SGCZ: variants seen among roughly 807,000 people sequenced by gnomAD.
The protein encoded by SGCZ is zeta-sarcoglycan.
Under a neutral mutation model 41.3 loss-of-function variants are expected in SGCZ, and 40 were observed. The observed-to-expected ratio is 0.97, with a 90% CI of 0.75 to 1.26. The LOEUF is 1.26. Ranked by LOEUF, SGCZ falls within the 50% of genes most tolerant of loss-of-function variation. The probability of loss-of-function intolerance (pLI) is 0.00; values close to 1 mark genes in which losing one functional copy is unlikely to be tolerated. For missense variants in SGCZ, 552 were observed against 369.8 expected (o/e 1.49, Z -4.04); for synonymous variants, 206 against 137.5 (o/e 1.50, Z -3.49).
chr8:14,129,345 CAAAAAAAA>C (rs534660638), intron 5 of SGCZ, among the ~76,000 whole-genome samples: 13 of 44,114 alleles, frequency 2.9e-4, no homozygotes, highest in Non-Finnish European at 9.8e-5. Flanking sequence ...GACTCCGTCT[CAAAAAAAA>C]AAAAAAAAAA....
At chr8:15,047,192 A>T (rs1804338547) in intron 1 of SGCZ, among the ~76,000 whole-genome samples, 1 of 152,072 alleles carries the variant, frequency 6.6e-6, no homozygotes, top group Non-Finnish European at 1.5e-5. Context: ...ATATTAAGTG[A>T]AATACTATGT....
chr8:14,612,352 C>T (rs1805957232), intron 1 of SGCZ, among the ~76,000 whole-genome samples: 1 of 152,138 alleles, frequency 6.6e-6, no homozygotes, highest in Admixed American at 6.5e-5. Flanking sequence ...CTCTCATTCT[C>T]CGGCTCCCTT....
chr8:14,626,686 A>G (rs1312927900), intron 1 of SGCZ, among the ~76,000 whole-genome samples: 2 of 152,118 alleles, frequency 1.3e-5, no homozygotes, highest in Non-Finnish European at 2.9e-5. Context: ...ATTGGAGCTT[A>G]TGCTACCACA....
intron 2 of SGCZ, among the ~76,000 whole-genome samples, chr8:14,332,857 A>C (rs1802385574): frequency 6.6e-6 from 1 of 150,974 alleles, no homozygotes; most frequent in Admixed American, 6.6e-5. Flanking sequence ...GTATATATAT[A>C]ATGTTCTCCT....
chr8:14,227,563 T>C (rs764464359), intron 4 of SGCZ, among the ~76,000 whole-genome samples: 1 of 152,080 alleles, frequency 6.6e-6, no homozygotes, highest in Non-Finnish European at 1.5e-5. Context: ...AGAAATAATA[T>C]TGGAAACACA....
chr8:14,103,507 GT>G (rs777669660), intron 6 of SGCZ, among the ~76,000 whole-genome samples: 3 of 152,194 alleles, frequency 2.0e-5, no homozygotes, highest in Non-Finnish European at 4.4e-5. Context: ...TGAATTCAGA[GT>G]TGTTTTGCAG....
chr8:14,589,796 T>C lies in SGCZ; in HGVS notation c.40-34870A>G, dbSNP rs143926011. On this transcript the variant is annotated intron_variant, in intron 1 of 7. Transcript: ENST00000382080. ...AGATGTATATGGATAAATCTTGAAA[T>C]ATGTTATCCATCACTTTCGTTTTAT... Among the ~76,000 whole-genome samples, 229 of 152,224 alleles carry C rather than the reference T, an allele frequency of 1.5e-3. 1 individual carries two copies. The highest frequency in any genetic ancestry group is 5.3e-3 in the African/African-American group (221 of 41,540).
chr8:14,530,858 A>G (rs534746268), intron 2 of SGCZ, among the ~76,000 whole-genome samples: 1 of 152,218 alleles, frequency 6.6e-6, no homozygotes, highest in Non-Finnish European at 1.5e-5. Flanking sequence ...GTAGTGATAA[A>G]TTATCAGGAC....
At chr8:15,157,220 A>G (rs1799356868) in intron 1 of SGCZ, among the ~76,000 whole-genome samples, 1 of 152,052 alleles carries the variant, frequency 6.6e-6, no homozygotes, top group African/African-American at 2.4e-5. Flanking sequence ...CCTACTCACA[A>G]TATGATATTT....
At chr8:15,048,733 C>T (rs1804406185) in intron 1 of SGCZ, among the ~76,000 whole-genome samples, 1 of 152,126 alleles carries the variant, frequency 6.6e-6, no homozygotes, top group African/African-American at 2.4e-5. Context: ...TTATAATCTA[C>T]TTCCAAAATG....
chr8:14,331,905 G>A (rs946849378), intron 2 of SGCZ, among the ~76,000 whole-genome samples: 4 of 151,402 alleles, frequency 2.6e-5, no homozygotes, highest in South Asian at 4.2e-4. Context: ...GATAATACAG[G>A]AAATATGTAT....
intron 4 of SGCZ, among the ~76,000 whole-genome samples, chr8:14,196,815 A>T (rs563444992): frequency 6.6e-6 from 1 of 152,320 alleles, no homozygotes; most frequent in East Asian, 1.9e-4. Context: ...AAGAATGGAA[A>T]AATATTTGCC....
At chr8:14,661,115 T>C (rs1037935430) in intron 1 of SGCZ, among the ~76,000 whole-genome samples, 4 of 152,160 alleles carry the variant, frequency 2.6e-5, no homozygotes, top group African/African-American at 7.2e-5. Flanking sequence ...TAGAAATGCA[T>C]TTATGGAAAC....
chr8:14,119,988 A>T (rs183431364), intron 5 of SGCZ, among the ~76,000 whole-genome samples: 1 of 152,250 alleles, frequency 6.6e-6, no homozygotes, highest in Admixed American at 6.5e-5. Flanking sequence ...GGATTTTTGC[A>T]TCGATGCTCA....
At chr8:14,905,132 A>T (rs78433069) in intron 1 of SGCZ, among the ~76,000 whole-genome samples, 1 of 152,048 alleles carries the variant, frequency 6.6e-6, no homozygotes. Context: ...TATTTCTTCA[A>T]ATGTATATAC....
rs11203655 is a variant in SGCZ, at chr8:14,670,571, G to T, written c.40-115645C>A. Among the ~76,000 whole-genome samples, 707 of 151,332 alleles carry T rather than the reference G, an allele frequency of 4.7e-3. 2 individuals are homozygous for T. The highest frequency in any genetic ancestry group is 0.014 in the Middle Eastern group (4 of 290). ...GATTAATTTGAGGCTAATGGGATAT[G>T]AGCAGATCTAATCTACAAAATGTTC... On this transcript the variant is annotated intron_variant, in intron 1 of 7. Coordinates refer to ENST00000382080, the MANE Select transcript of SGCZ (RefSeq NM_139167.4).
At chr8:14,562,262 G>T (rs1470241822) in intron 1 of SGCZ, among the ~76,000 whole-genome samples, 2 of 152,078 alleles carry the variant, frequency 1.3e-5, no homozygotes, top group African/African-American at 2.4e-5. Context: ...AATAGTAGTT[G>T]AGCCTCCGAG....
chr8:14,291,816 G>T (rs1335236591), intron 3 of SGCZ, among the ~76,000 whole-genome samples: 2 of 151,890 alleles, frequency 1.3e-5, no homozygotes, highest in Non-Finnish European at 2.9e-5. Flanking sequence ...ATTTATCAAA[G>T]TTGTTTTCTC....
In SGCZ at chr8:14,090,050, G is replaced by T. The variant is rs1801638205; in HGVS notation, c.*393C>A. On this transcript the variant is annotated 3_prime_UTR_variant, in exon 8 of 8. Coordinates refer to ENST00000382080, the MANE Select transcript of SGCZ (RefSeq NM_139167.4). ...GAATGTAGAATAAGTTTTCTTACAG[G>T]GTTAACCATTTCATCTTGCCATTGG... 1.3e-5 allele frequency: 2 copies of T among 156,352 alleles called. No individual in the cohort carries two copies. The highest frequency in any genetic ancestry group is 2.8e-5 in the Non-Finnish European group (2 of 70,762). The allele number at this position is 156,352 out of a possible 1,614,324, so 9.7% of individuals were successfully genotyped here.
Sources: gnomAD v4.1 joint callset for allele counts (sites outside exome capture counted in the v4.1 genomes callset) on GRCh38, gnomAD v4.1.1 for gene constraint, MANE v1.5 for transcripts, NCBI Gene and HGNC (gene_info 2026-07-23, HGNC 2026-07-21) for gene names.